The following CYTH3 variants were observed in gnomAD, a reference collection of about 807,000 sequenced individuals.
The protein encoded by CYTH3 is cytohesin 3.
In CYTH3, 23 loss-of-function variants were observed where a neutral mutation model predicts 55.1. The ratio of observed to expected loss-of-function variants is 0.42; its 90% confidence interval spans 0.30 to 0.59. The LOEUF (loss-of-function observed/expected upper bound fraction) is 0.59. Ranked by LOEUF, CYTH3 falls within the 20% of genes least tolerant of loss-of-function variation. The probability of loss-of-function intolerance (pLI) is 0.20; values close to 1 mark genes in which losing one functional copy is unlikely to be tolerated. For missense variants in CYTH3, 413 were observed against 524.8 expected, an observed-to-expected ratio of 0.79 and a Z score of 2.08; for synonymous variants, 249 against 194.9, an observed-to-expected ratio of 1.28 and a Z score of -2.31.
chr7:6,165,305 C>G lies in CYTH3; in HGVS notation c.1095G>C (p.Pro365=), dbSNP rs139638792. The G allele has an allele frequency of 1.3e-5, 21 of 1,613,720 alleles. No homozygotes were observed. The highest frequency in any genetic ancestry group is 1.6e-5 in the Non-Finnish European group (19 of 1,179,890). The change falls in exon 12 of 13, where the codon CCG becomes CCC. Residue 365 remains proline, a synonymous_variant. Coordinates refer to ENST00000350796, the MANE Select transcript of CYTH3 (RefSeq NM_004227.4). ...ATTTCATCCACTCCTCCTTCTCCTC[C>G]GGGCTCGGGGCTGAGATCCGGTACA... ...HVVYRISAPS[P]EEKEEWMKSI... is the part of the protein sequence containing the mutation.
chr7:6,238,998 G>C (rs911837877), intron 1 of CYTH3, among the ~76,000 whole-genome samples: 1 of 152,144 alleles, frequency 6.6e-6, no homozygotes, highest in Non-Finnish European at 1.5e-5. Flanking sequence ...CTGATTGCTT[G>C]AGGCCAGGAG....
At chr7:6,186,237 CTA>C (rs1783645069) in intron 4 of CYTH3, among the ~76,000 whole-genome samples, 1 of 124,164 alleles carries the variant, frequency 8.1e-6, no homozygotes, top group Non-Finnish European at 1.6e-5. Context: ...GAGCAAGACT[CTA>C]TCTCAAAAAA....
intron 1 of CYTH3, among the ~76,000 whole-genome samples, chr7:6,244,912 C>A (rs1327336851): frequency 6.7e-6 from 1 of 149,424 alleles, no homozygotes; most frequent in Non-Finnish European, 1.5e-5. Context: ...CCTCAGCCTC[C>A]CGAGTAGCTG....
chr7:6,201,677 C>G (rs192530041), intron 1 of CYTH3, among the ~76,000 whole-genome samples: 1 of 152,072 alleles, frequency 6.6e-6, no homozygotes, highest in Non-Finnish European at 1.5e-5. Context: ...AGAGTAAGAA[C>G]AGAACTAAAA....
Position 6,272,535 on chromosome 7 carries a change from CCGGGGGCCGGCAGCA to C in CYTH3, c.-43_-29del. The C allele has an allele frequency of 7.7e-7, 1 of 1,303,964 alleles. No homozygotes were observed. The highest frequency in any genetic ancestry group is 9.9e-7 in the Non-Finnish European group (1 of 1,013,260). The allele number at this position is 1,303,964 out of a possible 1,614,324, so 80.8% of individuals were successfully genotyped here. On this transcript the variant is annotated 5_prime_UTR_variant, in exon 1 of 13. Transcript: ENST00000350796. ...TGAGGCCACTCCCGCAGCCGGCGAGCCGGGGGCCGGCAGCAGAGGGGCCGCGGGCTGGGGACGCCG... is the reference window on the plus strand; with the variant it reads ...TGAGGCCACTCCCGCAGCCGGCGAGCGAGGGGCCGCGGGCTGGGGACGCCG...
chr7:6,240,004 G>A (rs916570565), intron 1 of CYTH3, among the ~76,000 whole-genome samples: 1 of 152,150 alleles, frequency 6.6e-6, no homozygotes, highest in African/African-American at 2.4e-5. Flanking sequence ...TATATTTAAT[G>A]CAATCAGAAT....
At chr7:6,271,342 C>CA (rs1780647226) in intron 1 of CYTH3, among the ~76,000 whole-genome samples, 1 of 152,330 alleles carries the variant, frequency 6.6e-6, no homozygotes, top group Admixed American at 6.5e-5. Context: ...TGAACCACTT[C>CA]ATCCTGAAGC....
intron 1 of CYTH3, among the ~76,000 whole-genome samples, chr7:6,237,578 C>T (rs1175896515): frequency 1.3e-5 from 2 of 151,974 alleles, no homozygotes; most frequent in African/African-American, 4.8e-5. Flanking sequence ...CATGGTGGCA[C>T]GCGCCTGTTA....
At chr7:6,174,794 A>G (rs1218283058) in intron 5 of CYTH3, among the ~76,000 whole-genome samples, 5 of 151,526 alleles carry the variant, frequency 3.3e-5, no homozygotes, top group Non-Finnish European at 5.9e-5. Context: ...TGATCCACCC[A>G]CCTCGGCCTC....
Position 6,260,523 on chromosome 7 carries a change from A to G in CYTH3, c.34+11951T>C, listed in dbSNP as rs535348881. On this transcript the variant is annotated intron_variant, in intron 1 of 12. Coordinates refer to ENST00000350796, the MANE Select transcript of CYTH3 (RefSeq NM_004227.4). ...CGTGCCTTTCCTTCAGCAAAGACAC[A>G]CCTTCCCCCACTAGCTCCTTAGCCC... Among the ~76,000 whole-genome samples, 41 of 152,140 alleles carry G rather than the reference A, an allele frequency of 2.7e-4. 1 individual carries two copies. The highest frequency in any genetic ancestry group is 1.2e-3 in the South Asian group (6 of 4,824).
rs1006107430 is a variant in CYTH3 at position 6,265,158 on chromosome 7, T to C, written c.34+7316A>G. On this transcript the variant is annotated intron_variant, in intron 1 of 12. Transcript: ENST00000350796. The stretch of plus-strand genomic sequence containing the variant: ...GAAACGGGAGAGGAGCAACAGACAA[T>C]GTCAAAGAGATAGCAGGGGACTAGA... 2.6e-5 allele frequency among the ~76,000 whole-genome samples: 4 copies of C among 151,164 alleles called. 1 individual carries two copies. The East Asian group carries it at 7.8e-4, about 29-fold the overall frequency.
At chr7:6,212,630 T>C (rs1784345942) in intron 1 of CYTH3, 2 of 151,742 alleles carry the variant, frequency 1.3e-5, no homozygotes, top group African/African-American at 4.8e-5. Flanking sequence ...ACATTTTCAA[T>C]TTTTTTTTAA....
chr7:6,257,531 A>C (rs1019145385), intron 1 of CYTH3, among the ~76,000 whole-genome samples: 9 of 151,884 alleles, frequency 5.9e-5, no homozygotes, highest in Non-Finnish European at 1.2e-4. Flanking sequence ...CAAATGAAAC[A>C]ATGTATTTCT....
At chr7:6,181,451 C>T (rs1006138129) in intron 4 of CYTH3, among the ~76,000 whole-genome samples, 1 of 152,192 alleles carries the variant, frequency 6.6e-6, no homozygotes, top group African/African-American at 2.4e-5. Flanking sequence ...GCACTGCTCC[C>T]CTCCTGTCTT....
chr7:6,245,249 G>T (rs940774842), intron 1 of CYTH3, among the ~76,000 whole-genome samples: 2 of 152,042 alleles, frequency 1.3e-5, no homozygotes, highest in African/African-American at 2.4e-5. Context: ...TCTAGGTTTT[G>T]AGTTGTTTGT....
chr7:6,176,260 T>A (rs2128539697), intron 5 of CYTH3, among the ~76,000 whole-genome samples: 1 of 141,058 alleles, frequency 7.1e-6, no homozygotes, highest in East Asian at 2.1e-4. Flanking sequence ...ATTGATTTTT[T>A]TTTTTTTTTT....
rs866021741 is a variant in CYTH3, at chr7:6,265,636, G to A, written c.34+6838C>T. 1.3e-3 allele frequency among the ~76,000 whole-genome samples: 172 copies of A among 132,682 alleles called. 6 individuals are homozygous for A. The highest frequency in any genetic ancestry group is 5.3e-4 in the Non-Finnish European group (33 of 62,560). The allele number at this position is 132,682 out of a possible 152,430, so 87.0% of individuals were successfully genotyped here. On this transcript the variant is annotated intron_variant, in intron 1 of 12. Transcript: ENST00000350796. ...TCCATTTCAAAAAAAAAAAAAAAAA[G>A]AAGAAGAAGAACTTGCAGCCCCTAA... is the stretch of plus-strand genomic sequence containing the variant.
intron 1 of CYTH3, 84 bp downstream of exon 1, chr7:6,272,390 C>G: frequency 1.7e-6 from 2 of 1,208,638 alleles, no homozygotes; most frequent in South Asian, 2.5e-5. Flanking sequence ...CGGCGAACCC[C>G]GGCCCAGCGC....
chr7:6,170,334 G>C lies in CYTH3; in HGVS notation c.823+201C>G. ...CAGCCTGGGCGCTACTCTCTGCCGC[G>C]GGCATGGCTCTGAGGCCCCGGCTCG... On this transcript the variant is annotated intron_variant, in intron 9 of 12. Coordinates refer to ENST00000350796, the MANE Select transcript of CYTH3 (RefSeq NM_004227.4). This position sits in a 1 kb window ranked among gnomAD's most constrained non-coding sequence, Gnocchi z 7.8. The C allele has an allele frequency of 3.4e-6, 2 of 582,862 alleles. No individual in the cohort carries two copies. Among genetic ancestry groups the C allele is most frequent in the Non-Finnish European group, 6.0e-6 (2 of 331,804 alleles). The allele number at this position is 582,862 out of a possible 1,614,324, so 36.1% of individuals were successfully genotyped here.
Sources: allele counts gnomAD v4.1 joint callset (sites outside exome capture counted in the v4.1 genomes callset), GRCh38; gene constraint gnomAD v4.1.1; non-coding constraint Gnocchi (gnomAD v3.1); transcripts MANE v1.5; gene names NCBI Gene and HGNC (gene_info 2026-07-23, HGNC 2026-07-21).